Variants in EGLN1 observed in about 807,000 individuals in gnomAD.
EGLN1 encodes the protein egl-9 family hypoxia inducible factor 1, also known as egl nine homolog 1.
A neutral mutation model predicts 38.3 loss-of-function variants in EGLN1; 17 were observed. The observed-to-expected ratio is 0.44, with a 90% CI of 0.30 to 0.67. The LOEUF (loss-of-function observed/expected upper bound fraction) is 0.67. Among genes scored for constraint, EGLN1 ranks in the 30% least tolerant of loss-of-function variants. The pLI is 0.08. For synonymous variants in EGLN1, 283 were observed against 257.5 expected (o/e 1.10, Z -0.95); for missense variants, 477 against 603.3 (o/e 0.79, Z 2.19).
At position 231,364,672 on chromosome 1, in the gene EGLN1, T is replaced by C. The variant is rs1027737946; in HGVS notation, c.*1739A>G. On this transcript the variant is annotated 3_prime_UTR_variant, in exon 5 of 5. Coordinates refer to ENST00000366641, the MANE Select transcript of EGLN1 (RefSeq NM_022051.3). The stretch of plus-strand genomic sequence containing the variant: ...TTAATAAAAATTACTGAGCTTCCCA[T>C]AGAAAAGGTCTCAAATTGAATACAA... The C allele has an allele frequency of 3.3e-5, 5 of 152,178 alleles. No homozygotes were observed. The highest frequency in any genetic ancestry group is 1.9e-4 in the East Asian group (1 of 5,196). 9.4% of individuals were successfully genotyped at this position (152,178 alleles called of 1,614,324 possible).
At chr1:231,384,533 A>C (rs2749699) in intron 1 of EGLN1, among the ~76,000 whole-genome samples, 82,844 of 151,986 alleles carry the variant, frequency 0.55, 24,206 homozygotes, top group Non-Finnish European at 0.65. Context: ...GAAGGAATAA[A>C]TGGTGCAAAG....
chr1:231,367,686 A>G, intron 3 of EGLN1, 50 bp from the exon 4 acceptor site: 1 of 1,559,360 alleles, frequency 6.4e-7, no homozygotes, highest in Non-Finnish European at 8.8e-7. Flanking sequence ...GCGGGGAAAA[A>G]GTGGTATTTT....
In EGLN1 at chr1:231,421,124, C is replaced by T. The variant is rs1429752575; in HGVS notation, c.765G>A (p.Lys255=). The T allele has an allele frequency of 2.5e-6, 4 of 1,614,188 alleles. No homozygotes were observed. The highest frequency in any genetic ancestry group is 3.4e-6 in the Non-Finnish European group (4 of 1,180,030). ...GCTCCTTGCCCTCGATCCAGGTGAT[C>T]TTATCGCCTCGGATGTCCTTGGACG... ...SDSSKDIRGD[K]ITWIEGKEPG... Residue 255 remains lysine (K), a synonymous_variant, in exon 1 of 5, where the codon AAG becomes AAA. Transcript: ENST00000366641. This position sits in a 1 kb window ranked among gnomAD's most constrained non-coding sequence, Gnocchi z 5.5.
At position 231,422,136 on chromosome 1, in the gene EGLN1, G is replaced by A. The variant is rs963674212; in HGVS notation, c.-248C>T. ...TCGCCGCCGAGGGCTGAGAGAATAGGGCCTGTGCGGCGAATGGCAACCTGG... is the reference window on the plus strand; with the variant it reads ...TCGCCGCCGAGGGCTGAGAGAATAGAGCCTGTGCGGCGAATGGCAACCTGG... On this transcript the variant is annotated 5_prime_UTR_variant, in exon 1 of 5. Coordinates refer to ENST00000366641, the MANE Select transcript of EGLN1 (RefSeq NM_022051.3). The A allele has an allele frequency of 6.1e-6, 2 of 328,098 alleles. No homozygotes were observed. The highest frequency in any genetic ancestry group is 5.4e-6 in the Non-Finnish European group (1 of 183,528). 20.3% of individuals were successfully genotyped at this position (328,098 alleles called of 1,614,324 possible). A position where few individuals can be genotyped will look rare whatever the true frequency, so the allele number is the denominator to read the frequency against.
chr1:231,389,560 A>T (rs1383210799), intron 1 of EGLN1, among the ~76,000 whole-genome samples: 1 of 152,220 alleles, frequency 6.6e-6, no homozygotes, highest in Non-Finnish European at 1.5e-5. Context: ...AGATAAATAT[A>T]CCACATCTTA....
At chr1:231,398,742 G>A (rs1219824041) in intron 1 of EGLN1, among the ~76,000 whole-genome samples, 1 of 102,848 alleles carries the variant, frequency 9.7e-6, no homozygotes, top group African/African-American at 2.7e-5. Flanking sequence ...TGACATTCAC[G>A]GCTACTGGGG....
Position 231,421,703 on chromosome 1 carries a change from C to A in EGLN1, c.186G>T (p.Glu62Asp). 1 of 1,515,898 alleles carries A rather than the reference C, an allele frequency of 6.6e-7. No homozygotes were observed. Among genetic ancestry groups the A allele is most frequent in the East Asian group, 2.6e-5 (1 of 38,160 alleles). 93.9% of individuals were successfully genotyped at this position (1,515,898 alleles called of 1,614,324 possible). The change falls in exon 1 of 5, where the codon GAG becomes GAT. Residue 62 changes from glutamate (E) to aspartate (D), a missense_variant. By Grantham distance (45) the Glu-to-Asp change is conservative. This residue lies in a region of EGLN1 where 298 missense variants were observed against 288.9 expected (regional missense o/e 1.03). Transcript: ENST00000366641. The surrounding 1 kb of genome is among the most constrained non-coding windows in gnomAD (Gnocchi z 5.5). ...GGCCCACTCCGTGGCCGAGGGCGCCCTCGCTGCCCTGGCACACGAGCTTGT... is the reference window on the plus strand; with the variant it reads ...GGCCCACTCCGTGGCCGAGGGCGCCATCGCTGCCCTGGCACACGAGCTTGT... ...KKHKLVCQGSEGALGHGVGPH... is the reference protein window; with the variant it reads ...KKHKLVCQGSDGALGHGVGPH...
At position 231,419,861 on chromosome 1, in the gene EGLN1, C is replaced by A. The variant is rs1005350394; in HGVS notation, c.891+1137G>T. ...ATGACTGTCAAAGTAGATGATCTGACACACACATACAGAAAAACCACTAGT... is the reference window on the plus strand; with the variant it reads ...ATGACTGTCAAAGTAGATGATCTGAAACACACATACAGAAAAACCACTAGT... On this transcript the variant is annotated intron_variant, in intron 1 of 4. Coordinates refer to ENST00000366641, the MANE Select transcript of EGLN1 (RefSeq NM_022051.3). Among the ~76,000 whole-genome samples, 4 of 152,164 alleles carry A rather than the reference C, an allele frequency of 2.6e-5. No homozygotes were observed. The East Asian group carries it at 5.8e-4, about 22-fold the overall frequency.
intron 1 of EGLN1, among the ~76,000 whole-genome samples, chr1:231,402,086 T>C (rs553191113): frequency 9.8e-5 from 15 of 152,322 alleles, no homozygotes; most frequent in African/African-American, 3.1e-4. Flanking sequence ...AATCTTTTCA[T>C]GCACTTGGCC....
At chr1:231,388,820 A>C (rs556700060) in intron 1 of EGLN1, among the ~76,000 whole-genome samples, 1 of 151,996 alleles carries the variant, frequency 6.6e-6, no homozygotes, top group African/African-American at 2.4e-5. Flanking sequence ...ACGCCCAGCT[A>C]ATTTTTATAT....
chr1:231,387,218 C>G (rs180834263), intron 1 of EGLN1, among the ~76,000 whole-genome samples: 1 of 139,816 alleles, frequency 7.2e-6, no homozygotes, highest in African/African-American at 2.6e-5. Flanking sequence ...AAAATAACAC[C>G]GGCATGCTAT....
At chr1:231,418,742 A>C (rs976406058) in intron 1 of EGLN1, among the ~76,000 whole-genome samples, 9 of 151,972 alleles carry the variant, frequency 5.9e-5, no homozygotes, top group Non-Finnish European at 7.4e-5. Flanking sequence ...GTGTGCCTAC[A>C]GTCCCAGCTA....
chr1:231,412,014 A>G (rs886352191), intron 1 of EGLN1, among the ~76,000 whole-genome samples: 8 of 61,852 alleles, frequency 1.3e-4, no homozygotes, highest in Non-Finnish European at 3.2e-5. Context: ...TCCATCTCAA[A>G]AAAAAAAAAA....
At chr1:231,382,558 T>C (rs1688100662) in intron 1 of EGLN1, among the ~76,000 whole-genome samples, 1 of 152,338 alleles carries the variant, frequency 6.6e-6, no homozygotes, top group South Asian at 2.1e-4. Context: ...GGCTACACAC[T>C]GTATAGGGAC....
At chr1:231,373,704 A>G (rs6659323) in intron 2 of EGLN1, among the ~76,000 whole-genome samples, 1,956 of 131,188 alleles carry the variant, frequency 0.015, 56 homozygotes, top group African/African-American at 0.06. Context: ...GTGTGTGTGT[A>G]TGTGTGTGTG....
intron 1 of EGLN1, among the ~76,000 whole-genome samples, chr1:231,419,978 A>AG (rs1167103098): frequency 6.6e-6 from 1 of 152,218 alleles, no homozygotes; most frequent in Non-Finnish European, 1.5e-5. Flanking sequence ...ATGGTGGAGG[A>AG]GGGTGGCCTG....
chr1:231,398,533 G>C (rs1688588016), intron 1 of EGLN1, among the ~76,000 whole-genome samples: 2 of 152,146 alleles, frequency 1.3e-5, no homozygotes, highest in Admixed American at 1.3e-4. Flanking sequence ...TATTTCTATG[G>C]CTGCTTTCCT....
rs1349458754 is a variant in EGLN1, at chr1:231,366,321, A to C, written c.*90T>G. The C allele has an allele frequency of 4.2e-6, 6 of 1,437,044 alleles. No homozygotes were observed. The highest frequency in any genetic ancestry group is 5.8e-6 in the Non-Finnish European group (6 of 1,026,926). The allele number at this position is 1,437,044 out of a possible 1,614,324, so 89.0% of individuals were successfully genotyped here. On this transcript the variant is annotated 3_prime_UTR_variant, in exon 5 of 5. Coordinates refer to ENST00000366641, the MANE Select transcript of EGLN1 (RefSeq NM_022051.3). ...TTATTAAAATGCGAACTGGTTGTCT[A>C]TTTTTCTTTATCCCATTTATTCGTA... is the stretch of plus-strand genomic sequence containing the variant.
intron 1 of EGLN1, among the ~76,000 whole-genome samples, chr1:231,390,188 TA>T (rs1202308372): frequency 6.6e-6 from 1 of 152,212 alleles, no homozygotes; most frequent in Non-Finnish European, 1.5e-5. Flanking sequence ...GTGCACTTTT[TA>T]AAAATAATGT....
Sources: allele counts gnomAD v4.1 joint callset (sites outside exome capture counted in the v4.1 genomes callset), GRCh38; gene constraint gnomAD v4.1.1; regional missense constraint gnomAD v4.1.1; non-coding constraint Gnocchi (gnomAD v3.1); transcripts MANE v1.5; gene names NCBI Gene and HGNC (gene_info 2026-07-23, HGNC 2026-07-21).